CIT: variants seen among roughly 807,000 people sequenced by gnomAD.
CIT encodes citron rho-interacting serine/threonine kinase, also known as citron Rho-interacting kinase.
CIT carries 79 observed loss-of-function variants against 272.7 expected under a neutral mutation model. That is an observed-to-expected ratio of 0.29 (90% confidence interval 0.24 to 0.35). The LOEUF (loss-of-function observed/expected upper bound fraction) is 0.35. Ranked by LOEUF, CIT falls within the 10% of genes least tolerant of loss-of-function variation. The probability of loss-of-function intolerance (pLI) is 1.00; values close to 1 mark genes in which losing one functional copy is unlikely to be tolerated. For synonymous variants in CIT, 948 were observed against 995.6 expected (o/e 0.95, Z 0.90); for missense variants, 1,909 against 2,618.3 (o/e 0.73, Z 5.91).
intron 2 of CIT, 52 bp downstream of exon 2, chr12:119,876,021 G>A: frequency 9.3e-7 from 1 of 1,070,322 alleles, no homozygotes; most frequent in South Asian, 1.3e-5. Context: ...GAGTGACAAG[G>A]AGATTCCAAG....
chr12:119,819,960 T>C (rs1967542213), intron 9 of CIT, among the ~76,000 whole-genome samples: 1 of 152,168 alleles, frequency 6.6e-6, no homozygotes, highest in South Asian at 2.1e-4. Context: ...CCTCTCTGCA[T>C]AGTCGGAAAT....
intron 7 of CIT, among the ~76,000 whole-genome samples, chr12:119,826,543 C>A (rs1968175151): frequency 6.6e-6 from 1 of 152,172 alleles, no homozygotes; most frequent in Non-Finnish European, 1.5e-5. Context: ...AGCTAGCAAC[C>A]CCTTTGGTCT....
intron 25 of CIT, among the ~76,000 whole-genome samples, chr12:119,734,751 C>T (rs893892003): frequency 2.6e-5 from 4 of 152,154 alleles, no homozygotes; most frequent in African/African-American, 9.7e-5. Flanking sequence ...TTCCTCCCGC[C>T]TCAGCATCCT....
intron 3 of CIT, among the ~76,000 whole-genome samples, chr12:119,866,655 C>T (rs1950523945): frequency 6.6e-6 from 1 of 152,034 alleles, no homozygotes; most frequent in Non-Finnish European, 1.5e-5. Flanking sequence ...CCCATCTCTA[C>T]ACAAAATTAA....
chr12:119,751,255 G>C (rs986129134), intron 23 of CIT, among the ~76,000 whole-genome samples: 3 of 152,246 alleles, frequency 2.0e-5, no homozygotes, highest in African/African-American at 7.2e-5. Context: ...GAGTACCCTA[G>C]TCAACTTGGC....
intron 12 of CIT, 109 bp downstream of exon 12, chr12:119,783,799 T>A: frequency 1.5e-6 from 2 of 1,353,488 alleles, no homozygotes; most frequent in Non-Finnish European, 2.0e-6. Context: ...CTCTCTCTAC[T>A]CTCTGCCATT....
In CIT at chr12:119,743,823, G is replaced by A. The variant is rs191914463; in HGVS notation, c.2905-1359C>T. Among the ~76,000 whole-genome samples, 168 of 152,224 alleles carry A rather than the reference G, an allele frequency of 1.1e-3. 1 individual carries two copies. Among genetic ancestry groups the A allele is most frequent in the African/African-American group, 3.7e-3 (155 of 41,528 alleles). ...CCTTCTATTGGATTGCAAGTAAAAT[G>A]TATTCTGTGGGTTGTGGTCAACTTT... On this transcript the variant is annotated intron_variant, in intron 23 of 47. Transcript: ENST00000392521.
At chr12:119,788,929 A>G (rs1175127110) in intron 10 of CIT, among the ~76,000 whole-genome samples, 1 of 152,204 alleles carries the variant, frequency 6.6e-6, no homozygotes, top group Non-Finnish European at 1.5e-5. Flanking sequence ...TCTAAAAAAA[A>G]GCTAGAGTAA....
intron 4 of CIT, 24 bp downstream of exon 4, chr12:119,857,499 A>C (rs754431625): frequency 2.5e-6 from 4 of 1,612,902 alleles, no homozygotes; most frequent in Non-Finnish European, 3.4e-6. Context: ...AAAGTGGAAA[A>C]GCATGATGTT....
intron 29 of CIT, 88 bp from the exon 30 acceptor site, chr12:119,720,673 GT>G: frequency 1.2e-6 from 1 of 866,122 alleles, no homozygotes; most frequent in Non-Finnish European, 1.8e-6. Context: ...AAGTGAAGTT[GT>G]TAGGACACTA....
At chr12:119,862,832 AAAAAAAAAGAAAAAACC>A (rs1950390533) in intron 3 of CIT, among the ~76,000 whole-genome samples, 2 of 135,564 alleles carry the variant, frequency 1.5e-5, no homozygotes, top group African/African-American at 6.2e-5. Flanking sequence ...AAAAAAAAAA[AAAAAAAAAGAAAAAACC>A]AAAAAAAAAA....
rs958777303 is a variant in CIT at position 119,742,796 on chromosome 12, C to T, written c.2905-332G>A. On this transcript the variant is annotated intron_variant, in intron 23 of 47. Transcript: ENST00000392521. ...GAAGTTTTACTCTCCTTCATTTGTC[C>T]TATTCCCATTCTGAAAAGATGAGTA... The T allele has an allele frequency of 1.2e-4, 24 of 206,376 alleles. 1 individual carries two copies. The South Asian group carries it at 2.0e-3, about 17-fold the overall frequency. The allele number at this position is 206,376 out of a possible 1,614,324, so 12.8% of individuals were successfully genotyped here.
At chr12:119,703,898 C>T (rs1956727903) in intron 41 of CIT, among the ~76,000 whole-genome samples, 1 of 152,166 alleles carries the variant, frequency 6.6e-6, no homozygotes. Context: ...CACTCTGCTC[C>T]GAAAAGAAGG....
At position 119,712,236 on chromosome 12, in the gene CIT, G is replaced by A. The variant is rs764268592; in HGVS notation, c.4796C>T (p.Ala1599Val). The change falls in exon 37 of 48, where the codon GCC (alanine) becomes GTC (valine). Residue 1599 changes from alanine (A) to valine (V), a missense_variant. This residue lies in a region of CIT where 780 missense variants were observed against 1,067.2 expected (regional missense o/e 0.73). Transcript: ENST00000392521. This position sits in a 1 kb window ranked among gnomAD's most constrained non-coding sequence, Gnocchi z 5.2. The part of the protein sequence containing the change: ...SFPDKQRWVT[A>V]LESVVAGGRV... ...CCCACCTGCGACAACTGATTCTAAG[G>A]CGGTGACCCAGCGCTGTTTGTCAGG... 2 of 1,613,742 alleles carry A rather than the reference G, an allele frequency of 1.2e-6. No individual in the cohort carries two copies. Among genetic ancestry groups the A allele is most frequent in the South Asian group, 2.2e-5 (2 of 91,022 alleles).
Position 119,784,639 on chromosome 12 carries a change from A to C in CIT, c.1401+321T>G. On this transcript the variant is annotated intron_variant, in intron 11 of 47. Transcript: ENST00000392521. The surrounding 1 kb of genome is among the most constrained non-coding windows in gnomAD (Gnocchi z 4.7). ...AGAGAGACTTCGCATCACTCAAAGC[A>C]GATGGGATGTATCTCAGCCACAGGT... is the stretch of plus-strand genomic sequence containing the variant. 1 of 1,241,330 alleles carries C rather than the reference A, an allele frequency of 8.1e-7. No homozygotes were observed. Among genetic ancestry groups the C allele is most frequent in the Non-Finnish European group, 1.0e-6 (1 of 986,326 alleles). 76.9% of individuals were successfully genotyped at this position (1,241,330 alleles called of 1,614,324 possible). A position where few individuals can be genotyped will look rare whatever the true frequency, so the allele number is the denominator to read the frequency against.
Position 119,718,905 on chromosome 12 carries a change from C to A in CIT, c.3841-44G>T. ...ATATCTCCTAACTCCTGGAAACTGG[C>A]ACTTGAAACTAGCTAAAGGAAATCT... On this transcript the variant is annotated intron_variant, in intron 30 of 47. Coordinates refer to ENST00000392521, the MANE Select transcript of CIT (RefSeq NM_001206999.2). This position sits in a 1 kb window ranked among gnomAD's most constrained non-coding sequence, Gnocchi z 4.8. The A allele has an allele frequency of 6.3e-7, 1 of 1,596,236 alleles. No homozygotes were observed. Among genetic ancestry groups the A allele is most frequent in the Non-Finnish European group, 8.6e-7 (1 of 1,165,744 alleles).
intron 32 of CIT, among the ~76,000 whole-genome samples, chr12:119,717,906 A>G (rs1957615802): frequency 1.5e-5 from 2 of 133,066 alleles, no homozygotes; most frequent in Non-Finnish European, 3.1e-5. Context: ...CAATGGCGCA[A>G]TCTCGGCTAC....
Position 119,701,607 on chromosome 12 carries a change from GC to G in CIT, c.5542+16del. The G allele has an allele frequency of 6.2e-7, 1 of 1,611,498 alleles. No individual in the cohort carries two copies. Among genetic ancestry groups the G allele is most frequent in the Non-Finnish European group, 8.5e-7 (1 of 1,178,838 alleles). On this transcript the variant is annotated intron_variant, in intron 43 of 47. Coordinates refer to ENST00000392521, the MANE Select transcript of CIT (RefSeq NM_001206999.2). Reference sequence around the variant, plus strand: ...CCATGAGGACCCAAAAGGGCAGTGGGCGCAGCCACGACTCACCGTGGAAACA... The same window carrying G: ...CCATGAGGACCCAAAAGGGCAGTGGGGCAGCCACGACTCACCGTGGAAACA...
chr12:119,865,809 G>A (rs1234591686), intron 3 of CIT, among the ~76,000 whole-genome samples: 1 of 146,320 alleles, frequency 6.8e-6, no homozygotes, highest in Non-Finnish European at 1.5e-5. Context: ...TGCGGAGGTT[G>A]CAGTGAGCTG....
Sources: gnomAD v4.1 joint callset for allele counts (sites outside exome capture counted in the v4.1 genomes callset) on GRCh38, gnomAD v4.1.1 for gene constraint, gnomAD v4.1.1 regional missense constraint, Gnocchi (gnomAD v3.1) non-coding constraint, MANE v1.5 for transcripts, NCBI Gene and HGNC (gene_info 2026-07-23, HGNC 2026-07-21) for gene names.